Variants in MXRA7 observed in about 807,000 individuals in gnomAD.
MXRA7 encodes the protein matrix remodeling associated 7.
In MXRA7, 18 loss-of-function variants were observed where a neutral mutation model predicts 17.4. That is an observed-to-expected ratio of 1.03 (90% CI 0.71 to 1.53). The LOEUF is 1.53. Ranked by LOEUF, MXRA7 falls within the 40% of genes most tolerant of loss-of-function variation. MXRA7 has a pLI of 0.00. For synonymous variants in MXRA7, 70 were observed against 101.7 expected (o/e 0.69, Z 1.87); for missense variants, 141 against 209.3 (o/e 0.67, Z 2.01).
chr17:76,688,005 C>CCCAAA, intron 2 of MXRA7, 108 bp downstream of exon 2: 1 of 868,662 alleles, frequency 1.2e-6, no homozygotes, highest in Non-Finnish European at 1.8e-6. Context: ...ACTGTCCCAC[C>CCCAAA]CCATCCCTCC....
chr17:76,688,447 G>A, intron 1 of MXRA7: 2 of 1,356,414 alleles, frequency 1.5e-6, no homozygotes, highest in Non-Finnish European at 1.9e-6. Flanking sequence ...CCAGGTGGGT[G>A]CCTGTTGAGG....
intron 2 of MXRA7, 147 bp from the exon 3 acceptor site, chr17:76,685,312 C>A: frequency 1.6e-6 from 1 of 640,780 alleles, no homozygotes; most frequent in Non-Finnish European, 2.8e-6. Flanking sequence ...GCGCCTATAC[C>A]CCCTCTCGTT....
intron 1 of MXRA7, among the ~76,000 whole-genome samples, chr17:76,705,469 T>A (rs1465581988): frequency 6.6e-6 from 1 of 151,970 alleles, no homozygotes; most frequent in Admixed American, 6.5e-5. Context: ...TAATGAACAT[T>A]TGGATTATTT....
At chr17:76,688,008 A>AACCCACC in intron 2 of MXRA7, 105 bp downstream of exon 2, 1 of 570,178 alleles carries the variant, frequency 1.8e-6, no homozygotes, top group Non-Finnish European at 3.2e-6. Flanking sequence ...GTCCCACCCC[A>AACCCACC]TCCCTCCCCT....
chr17:76,691,306 C>G (rs1045862870), intron 1 of MXRA7, among the ~76,000 whole-genome samples: 3 of 152,218 alleles, frequency 2.0e-5, no homozygotes, highest in African/African-American at 7.2e-5. Flanking sequence ...CTGGACCTTA[C>G]TCTACTTAGG....
At chr17:76,701,851 A>C (rs1362983045) in intron 1 of MXRA7, among the ~76,000 whole-genome samples, 1 of 152,238 alleles carries the variant, frequency 6.6e-6, no homozygotes, top group Non-Finnish European at 1.5e-5. Flanking sequence ...CAAGCCCTAA[A>C]CAAACTCTTG....
intron 1 of MXRA7, chr17:76,709,608 ACACGCAGG>A (rs767480963): frequency 1.3e-5 from 2 of 153,202 alleles, no homozygotes; most frequent in Non-Finnish European, 2.9e-5. Context: ...GGGCACGCAG[ACACGCAGG>A]CACGCTGACA....
intron 3 of MXRA7, among the ~76,000 whole-genome samples, chr17:76,683,676 G>A (rs1476614647): frequency 6.6e-6 from 1 of 152,220 alleles, no homozygotes; most frequent in Non-Finnish European, 1.5e-5. Context: ...GGCCTCTTCT[G>A]CCAGAGATTC....
At position 76,688,099 on chromosome 17, in the gene MXRA7, G is replaced by A. The variant is rs1268386714; in HGVS notation, c.406+14C>T. 6.2e-7 allele frequency: 1 copy of A among 1,612,492 alleles called. No homozygotes were observed. Among genetic ancestry groups the A allele is most frequent in the East Asian group, 2.2e-5 (1 of 44,834 alleles). ...ACTGTCAGGCCCCCTCATGAGCGCAGAGGTCCCACTCACCGTCCTCCTCCT... is the reference window on the plus strand; with the variant it reads ...ACTGTCAGGCCCCCTCATGAGCGCAAAGGTCCCACTCACCGTCCTCCTCCT... On this transcript the variant is annotated intron_variant, in intron 2 of 3. Coordinates refer to ENST00000449428, the MANE Select transcript of MXRA7 (RefSeq NM_198530.4).
chr17:76,706,446 A>AC (rs2076662588), intron 1 of MXRA7, among the ~76,000 whole-genome samples: 3 of 146,858 alleles, frequency 2.0e-5, no homozygotes, highest in African/African-American at 8.0e-5. Context: ...CACTGCCATC[A>AC]AAAAGGACCA....
At chr17:76,684,934 C>T (rs1160923689) in intron 3 of MXRA7, 138 bp downstream of exon 3, 6 of 719,558 alleles carry the variant, frequency 8.3e-6, no homozygotes, top group East Asian at 7.4e-5. Context: ...GAAGGTGGGG[C>T]GGTGGTTGGG....
chr17:76,677,379 T>A, downstream of MXRA7: 1 of 485,934 alleles, frequency 2.1e-6, no homozygotes, highest in Non-Finnish European at 3.7e-6. Context: ...ACCAGAGGGG[T>A]CAGGGACTTT....
intron 1 of MXRA7, among the ~76,000 whole-genome samples, chr17:76,698,345 C>T (rs2076555282): frequency 6.6e-6 from 1 of 151,590 alleles, no homozygotes; most frequent in South Asian, 2.1e-4. Flanking sequence ...CAATCAGCTG[C>T]TCATCTTTTG....
At chr17:76,704,507 CTTT>C (rs768459212) in intron 1 of MXRA7, among the ~76,000 whole-genome samples, 1 of 140,372 alleles carries the variant, frequency 7.1e-6, no homozygotes. Context: ...GCCCGGCCAG[CTTT>C]TTTTTTTTTC....
At chr17:76,688,028 A>G in intron 2 of MXRA7, 85 bp downstream of exon 2, 1 of 1,127,214 alleles carries the variant, frequency 8.9e-7, no homozygotes, top group Non-Finnish European at 1.3e-6. Context: ...TCGGCACTCG[A>G]ACCCCAGCTC....
At position 76,681,239 on chromosome 17, in the gene MXRA7, CTAGA is replaced by C. The variant is rs2076299622; in HGVS notation, c.501-364_501-361del. Among the ~76,000 whole-genome samples the C allele has an allele frequency of 6.6e-6, 1 of 152,154 alleles. No homozygotes were observed. Among genetic ancestry groups the C allele is most frequent in the Non-Finnish European group, 1.5e-5 (1 of 68,012 alleles). On this transcript the variant is annotated intron_variant, in intron 3 of 3. Transcript: ENST00000449428. The surrounding 1 kb of genome is among the most constrained non-coding windows in gnomAD (Gnocchi z 4.7). ...TTGTGCTGACAATATTCCTATCACC[CTAGA>C]TAATTTCCCATTCCCGCTGGCTGAG...
chr17:76,693,427 T>C (rs2076498187), intron 1 of MXRA7, among the ~76,000 whole-genome samples: 1 of 141,926 alleles, frequency 7.0e-6, no homozygotes, highest in African/African-American at 2.6e-5. Flanking sequence ...ATCACGCCAC[T>C]GCAATCCAGC....
At chr17:76,706,417 C>A (rs1455964853) in intron 1 of MXRA7, among the ~76,000 whole-genome samples, 3 of 151,218 alleles carry the variant, frequency 2.0e-5, no homozygotes, top group African/African-American at 7.3e-5. Context: ...GAGGCCCACA[C>A]TGCCATCACA....
chr17:76,688,117 C>G lies in MXRA7; in HGVS notation c.402G>C (p.Glu134Asp), dbSNP rs994854079. The G allele has an allele frequency of 6.8e-6, 11 of 1,613,618 alleles. No individual in the cohort carries two copies. In the Admixed American group the frequency reaches 8.3e-5, roughly 12 times the overall value. Reference sequence around the variant, plus strand: ...GAGCGCAGAGGTCCCACTCACCGTCCTCCTCCTCAGGCCCTTCCGATGATG... The same window carrying G: ...GAGCGCAGAGGTCCCACTCACCGTCGTCCTCCTCAGGCCCTTCCGATGATG... The part of the protein sequence containing the change: ...KGPSSEGPEE[E>D]DGEGFSFKYS... The change falls in exon 2 of 4, where the codon GAG becomes GAC. Residue 134 changes from glutamate (E) to aspartate (D), a missense_variant. Physicochemically the swap from Glu to Asp is conservative, Grantham distance 45 (BLOSUM62 2). Around this residue, in one of 3 missense-constraint regions of MXRA7, gnomAD observed 67 missense variants for 80.3 expected, o/e 0.83. Coordinates refer to ENST00000449428, the MANE Select transcript of MXRA7 (RefSeq NM_198530.4).
Sources: allele counts gnomAD v4.1 joint callset (sites outside exome capture counted in the v4.1 genomes callset), GRCh38; gene constraint gnomAD v4.1.1; regional missense constraint gnomAD v4.1.1; non-coding constraint Gnocchi (gnomAD v3.1); transcripts MANE v1.5; gene names NCBI Gene and HGNC (gene_info 2026-07-23, HGNC 2026-07-21).